DENND2B: variants seen among roughly 807,000 people sequenced by gnomAD.
DENND2B encodes DENN domain containing 2B.
Under a neutral mutation model 116.0 loss-of-function variants are expected in DENND2B, and 32 were observed. The ratio of observed to expected loss-of-function variants is 0.28; its 90% CI spans 0.21 to 0.37. The LOEUF (loss-of-function observed/expected upper bound fraction) is 0.37, where lower values mean the gene tolerates loss of function less well. Ranked by LOEUF, DENND2B falls within the 10% of genes least tolerant of loss-of-function variation. The pLI, the probability that DENND2B is intolerant of heterozygous loss-of-function variation, is 1.00. For missense variants in DENND2B, 1,276 were observed against 1,477.7 expected, an observed-to-expected ratio of 0.86 and a Z score of 2.24; for synonymous variants, 588 against 583.9, an observed-to-expected ratio of 1.01 and a Z score of -0.10.
intron 1 of DENND2B, among the ~76,000 whole-genome samples, chr11:8,770,066 C>A (rs2056591652): frequency 6.6e-6 from 1 of 152,144 alleles, no homozygotes; most frequent in Non-Finnish European, 1.5e-5. Context: ...GCCAGTAGCC[C>A]ACCTTGTGTA....
At position 8,699,089 on chromosome 11, in the gene DENND2B, G is replaced by A. The variant is rs890137098; in HGVS notation, c.2899-115C>T. 3.6e-5 allele frequency: 55 copies of A among 1,533,076 alleles called. No individual in the cohort carries two copies. In the East Asian group the frequency reaches 3.8e-4, roughly 11 times the overall value. 95.0% of individuals were successfully genotyped at this position (1,533,076 alleles called of 1,614,324 possible). ...TCAGCTAACAGGAAGTACTCCAGCC[G>A]GGGATAGACCTCCCAGGGAGAAAGG... On this transcript the variant is annotated intron_variant, in intron 15 of 19. Transcript: ENST00000313726.
At chr11:8,735,669 G>A (rs1407315947) in intron 2 of DENND2B, among the ~76,000 whole-genome samples, 1 of 152,176 alleles carries the variant, frequency 6.6e-6, no homozygotes, top group Non-Finnish European at 1.5e-5. Context: ...TGCTCTTATG[G>A]GGGCACCCCC....
chr11:8,772,158 C>A (rs1296871708), intron 1 of DENND2B, among the ~76,000 whole-genome samples: 1 of 151,422 alleles, frequency 6.6e-6, no homozygotes, highest in South Asian at 2.1e-4. Flanking sequence ...CACACACACA[C>A]ACCAAAATTT....
intron 1 of DENND2B, among the ~76,000 whole-genome samples, chr11:8,891,262 A>T (rs2064028985): frequency 6.6e-6 from 1 of 152,232 alleles, no homozygotes; most frequent in Non-Finnish European, 1.5e-5. Context: ...GAAAGGAACA[A>T]CCGGTACCAG....
rs150816036 is a variant in DENND2B, at chr11:8,718,929, G to A, written c.1478-1037C>T. 2,417 of 988,096 alleles carry A rather than the reference G, an allele frequency of 2.4e-3. 4 individuals carry two copies. The highest frequency in any genetic ancestry group is 9.4e-3 in the Middle Eastern group (18 of 1,918). 61.2% of individuals were successfully genotyped at this position (988,096 alleles called of 1,614,324 possible). On this transcript the variant is annotated intron_variant, in intron 4 of 19. Coordinates refer to ENST00000313726, the MANE Select transcript of DENND2B (RefSeq NM_213618.2). ...TAGCTCAATCCTGGTGGCAGAATCC[G>A]TGGGGTGAACAGGTCCCTGGGGAAC...
chr11:8,800,417 A>G (rs746071547), intron 1 of DENND2B, among the ~76,000 whole-genome samples: 15 of 152,218 alleles, frequency 9.9e-5, no homozygotes, highest in Admixed American at 2.6e-4. Flanking sequence ...ATCGAGGCTA[A>G]GCTTCTCCTG....
At chr11:8,762,663 C>T (rs1009713294) in intron 1 of DENND2B, among the ~76,000 whole-genome samples, 2 of 152,176 alleles carry the variant, frequency 1.3e-5, no homozygotes, top group African/African-American at 4.8e-5. Context: ...GAGTTTGAGA[C>T]CAGCCTGACC....
At chr11:8,768,592 C>A (rs1037482590) in intron 1 of DENND2B, among the ~76,000 whole-genome samples, 1 of 152,110 alleles carries the variant, frequency 6.6e-6, no homozygotes, top group Non-Finnish European at 1.5e-5. Context: ...GAAACAATTC[C>A]CAAAGAGGAA....
At chr11:8,776,277 C>A (rs1047210653) in intron 1 of DENND2B, 2 of 454,568 alleles carry the variant, frequency 4.4e-6, no homozygotes, top group African/African-American at 2.0e-5. Context: ...TCACTGGCAG[C>A]CTGGAGTGCT....
At position 8,694,052 on chromosome 11, in the gene DENND2B, T is replaced by G. The variant is rs756449876; in HGVS notation, c.*44A>C. The G allele has an allele frequency of 1.9e-6, 3 of 1,612,078 alleles. No homozygotes were observed. The East Asian group carries it at 6.7e-5, about 36-fold the overall frequency. ...CCCAGGCTGGGCCTTCTCCCCAGGC[T>G]TCAGGCTCTGCAAGGCACTGGACTC... On this transcript the variant is annotated 3_prime_UTR_variant, in exon 20 of 20. Coordinates refer to ENST00000313726, the MANE Select transcript of DENND2B (RefSeq NM_213618.2).
chr11:8,699,087 C>G (rs2041002612), intron 15 of DENND2B, 113 bp from the exon 16 acceptor site: 8 of 1,540,230 alleles, frequency 5.2e-6, no homozygotes, highest in Non-Finnish European at 7.0e-6. Context: ...AGTACTCCAG[C>G]CGGGGATAGA....
At chr11:8,694,837 ATTAC>A (rs575959229) in intron 19 of DENND2B, among the ~76,000 whole-genome samples, 205 of 152,354 alleles carry the variant, frequency 1.3e-3, no homozygotes, top group African/African-American at 4.7e-3. Context: ...ATATGGGAGT[ATTAC>A]TTGAGCCCAG....
At chr11:8,891,502 C>G (rs1383983879) in intron 1 of DENND2B, among the ~76,000 whole-genome samples, 1 of 152,146 alleles carries the variant, frequency 6.6e-6, no homozygotes, top group Non-Finnish European at 1.5e-5. Context: ...ACCCATCTCA[C>G]ATGCAGAGAC....
chr11:8,706,629 A>G (rs1462589898), intron 13 of DENND2B, among the ~76,000 whole-genome samples: 2 of 152,126 alleles, frequency 1.3e-5, no homozygotes, highest in Admixed American at 6.5e-5. Context: ...TCACACTCTC[A>G]TAAGGTCCTG....
chr11:8,795,118 CA>C (rs1272664806), intron 1 of DENND2B, among the ~76,000 whole-genome samples: 3 of 152,156 alleles, frequency 2.0e-5, no homozygotes. Flanking sequence ...GGGCATTTTC[CA>C]AAAATCAGAC....
In DENND2B at chr11:8,696,495, A is replaced by G; in HGVS notation, c.3224T>C (p.Val1075Ala). ...AGCAAACATCTGAGACTCCATAAAAACCTCAAGAAAGCGGCGGATGCTTTT... is the reference window on the plus strand; with the variant it reads ...AGCAAACATCTGAGACTCCATAAAAGCCTCAAGAAAGCGGCGGATGCTTTT... ...ASKSIRRFLE[V>A]FMESQMFAGF... Residue 1075 changes from valine to alanine, a missense_variant, in exon 18 of 20, where the codon GTT becomes GCT. This residue lies in a region of DENND2B where 420 missense variants were observed against 631.1 expected (regional missense o/e 0.67). Transcript: ENST00000313726. 3.7e-6 allele frequency: 6 copies of G among 1,613,930 alleles called. No individual in the cohort carries two copies. The highest frequency in any genetic ancestry group is 5.1e-6 in the Non-Finnish European group (6 of 1,180,002).
chr11:8,833,052 A>T (rs1235510794), intron 4 of DENND2B, among the ~76,000 whole-genome samples: 1 of 152,210 alleles, frequency 6.6e-6, no homozygotes. Flanking sequence ...TTTCTAACAC[A>T]TCTTGAGGGA....
intron 4 of DENND2B, chr11:8,718,096 A>AACCCCCCCCCC: frequency 1.5e-5 from 1 of 65,006 alleles, no homozygotes; most frequent in South Asian, 1.1e-4. Context: ...AAGCAGACCC[A>AACCCCCCCCCC]CCCCCCCACC....
chr11:8,770,155 T>C (rs1405901835), intron 1 of DENND2B, among the ~76,000 whole-genome samples: 1 of 152,202 alleles, frequency 6.6e-6, no homozygotes, highest in African/African-American at 2.4e-5. Context: ...CTACAATTAC[T>C]TTGCAAGTTT....
Sources: allele counts gnomAD v4.1 joint callset (sites outside exome capture counted in the v4.1 genomes callset), GRCh38; gene constraint gnomAD v4.1.1; regional missense constraint gnomAD v4.1.1; transcripts MANE v1.5; gene names NCBI Gene and HGNC (gene_info 2026-07-23, HGNC 2026-07-21).